Variants in ALK observed in about 807,000 individuals in gnomAD.
ALK encodes ALK tyrosine kinase receptor.
Under a neutral mutation model 163.1 loss-of-function variants are expected in ALK, and 74 were observed. The observed-to-expected ratio is 0.45, with a 90% CI of 0.38 to 0.55. The LOEUF (loss-of-function observed/expected upper bound fraction) is 0.55, where lower values mean the gene tolerates loss of function less well. ALK is among the 20% of genes least tolerant of loss of function. The pLI is 0.00. For synonymous variants in ALK, 960 were observed against 843.2 expected, an observed-to-expected ratio of 1.14 and a Z score of -2.40; for missense variants, 2,063 against 2,105.3, an observed-to-expected ratio of 0.98 and a Z score of 0.39.
At chr2:29,270,962 G>T (rs1198765508) in intron 11 of ALK, among the ~76,000 whole-genome samples, 1 of 152,180 alleles carries the variant, frequency 6.6e-6, no homozygotes, top group African/African-American at 2.4e-5. Context: ...CCCAGCATGG[G>T]ATTTTCTGCA....
At chr2:29,323,103 T>G (rs995063206) in intron 6 of ALK, among the ~76,000 whole-genome samples, 2 of 152,202 alleles carry the variant, frequency 1.3e-5, no homozygotes, top group African/African-American at 4.8e-5. Flanking sequence ...AAAAGTCCCT[T>G]CTTCCTTAGA....
intron 28 of ALK, among the ~76,000 whole-genome samples, chr2:29,195,363 A>G (rs1668997336): frequency 6.6e-6 from 1 of 152,190 alleles, no homozygotes; most frequent in African/African-American, 2.4e-5. Context: ...CGTGAGCTGA[A>G]AGGAATAAGA....
chr2:29,710,499 C>CGTGTGTGTGTGTGTGT (rs55939983), intron 2 of ALK, among the ~76,000 whole-genome samples: 1 of 144,662 alleles, frequency 6.9e-6, no homozygotes, highest in African/African-American at 2.6e-5. Flanking sequence ...AGTCTGTGTG[C>CGTGTGTGTGTGTGTGT]GTGTGTGTGT....
At chr2:29,686,485 C>T (rs200948855) in intron 3 of ALK, among the ~76,000 whole-genome samples, 1 of 152,180 alleles carries the variant, frequency 6.6e-6, no homozygotes, top group East Asian at 1.9e-4. Flanking sequence ...TTGGATATGC[C>T]TAAGCCTTGC....
chr2:29,419,943 G>T lies in ALK; in HGVS notation c.1155-36084C>A, dbSNP rs945419152. Among the ~76,000 whole-genome samples the T allele has an allele frequency of 2.0e-5, 3 of 151,302 alleles. 1 individual carries two copies. Among genetic ancestry groups the T allele is most frequent in the African/African-American group, 2.5e-5 (1 of 40,618 alleles). ...GGAGGCCAAGGTAGGCAAATCACTT[G>T]AGCTAAGGAGTTTGAGACCAGCCTG... On this transcript the variant is annotated intron_variant, in intron 4 of 28. Coordinates refer to ENST00000389048, the MANE Select transcript of ALK (RefSeq NM_004304.5).
chr2:29,292,557 G>A (rs928275823), intron 9 of ALK, among the ~76,000 whole-genome samples: 1 of 152,178 alleles, frequency 6.6e-6, no homozygotes, highest in Non-Finnish European at 1.5e-5. Context: ...AGGAAAAGTA[G>A]CTATGTGAGG....
chr2:29,733,630 A>G (rs1443656561), intron 1 of ALK, among the ~76,000 whole-genome samples: 1 of 152,230 alleles, frequency 6.6e-6, no homozygotes, highest in Non-Finnish European at 1.5e-5. Flanking sequence ...AGCTAGAGTA[A>G]GTGTTCAGTC....
At position 29,886,677 on chromosome 2, in the gene ALK, A is replaced by C. The variant is rs568536735; in HGVS notation, c.667+33316T>G. Among the ~76,000 whole-genome samples, 228 of 152,318 alleles carry C rather than the reference A, an allele frequency of 1.5e-3. 2 individuals carry two copies. Among genetic ancestry groups the C allele is most frequent in the African/African-American group, 5.2e-3 (215 of 41,570 alleles). ...TGAAAGAGACACTCAAGTAAGACAG[A>C]CCTATATTTAACTTCCAGAAGTTCA... On this transcript the variant is annotated intron_variant, in intron 1 of 28. Coordinates refer to ENST00000389048, the MANE Select transcript of ALK (RefSeq NM_004304.5).
intron 3 of ALK, among the ~76,000 whole-genome samples, chr2:29,621,289 T>C (rs1264858447): frequency 6.6e-6 from 1 of 152,212 alleles, no homozygotes; most frequent in Admixed American, 6.5e-5. Flanking sequence ...GCTTTTTTTG[T>C]TGTTGTGGTT....
chr2:29,867,978 G>A (rs1432600967), intron 1 of ALK, among the ~76,000 whole-genome samples: 2 of 152,196 alleles, frequency 1.3e-5, no homozygotes, highest in Non-Finnish European at 2.9e-5. Flanking sequence ...AGAAGACATG[G>A]ACCCTGCATA....
chr2:29,845,434 A>T (rs1161398750), intron 1 of ALK, among the ~76,000 whole-genome samples: 3 of 44,722 alleles, frequency 6.7e-5, no homozygotes, highest in African/African-American at 2.1e-4. Context: ...CTCAACCTTT[A>T]ACGACATTTT....
At chr2:29,297,123 C>T in intron 8 of ALK, 66 bp from the exon 9 acceptor site, 2 of 1,600,386 alleles carry the variant, frequency 1.2e-6, no homozygotes, top group Non-Finnish European at 1.7e-6. Context: ...CTGGAATTCT[C>T]CACTGAAGTT....
In ALK at chr2:29,694,970, G is replaced by A. The variant is rs762417760; in HGVS notation, c.832C>T (p.Pro278Ser). Residue 278 changes from proline to serine, a missense_variant, in exon 3 of 29, where the codon CCT becomes TCT. Transcript: ENST00000389048. ...TGGTTCCTGAGGTCATGCAGTGGAG[G>A]GGAATACTCCAGCTCACAGGGGAAG... is the stretch of plus-strand genomic sequence containing the variant. ...FDFPCELEYSPPLHDLRNQSW... is the reference protein window; with the variant it reads ...FDFPCELEYSSPLHDLRNQSW... 3.1e-6 allele frequency: 5 copies of A among 1,614,060 alleles called. No homozygotes were observed. Among genetic ancestry groups the A allele is most frequent in the South Asian group, 2.2e-5 (2 of 91,078 alleles).
At chr2:29,634,560 TAGATA>T (rs1193926954) in intron 3 of ALK, among the ~76,000 whole-genome samples, 1 of 151,976 alleles carries the variant, frequency 6.6e-6, no homozygotes. Flanking sequence ...GAAAAAGCAA[TAGATA>T]AATTCAACAC....
rs1664026572 is a variant in ALK, at chr2:29,227,131, C to T, written c.2915-57G>A. 2 of 1,612,244 alleles carry T rather than the reference C, an allele frequency of 1.2e-6. No individual in the cohort carries two copies. The highest frequency in any genetic ancestry group is 2.7e-5 in the African/African-American group (2 of 75,012). On this transcript the variant is annotated intron_variant, in intron 17 of 28. Coordinates refer to ENST00000389048, the MANE Select transcript of ALK (RefSeq NM_004304.5). This position sits in a 1 kb window ranked among gnomAD's most constrained non-coding sequence, Gnocchi z 4.4. ...CCGAGCCTGCCTCCCCACTCCCAGCCTCAGTACTATGTCTCCAGGTGGTCA... is the reference window on the plus strand; with the variant it reads ...CCGAGCCTGCCTCCCCACTCCCAGCTTCAGTACTATGTCTCCAGGTGGTCA...
At chr2:29,540,706 T>G (rs35252515) in intron 3 of ALK, among the ~76,000 whole-genome samples, 18,041 of 152,010 alleles carry the variant, frequency 0.12, 1,412 homozygotes, top group Non-Finnish European at 0.18. Context: ...GAATCCTGAC[T>G]TCTTTCTTGG....
rs76396888 is a variant in ALK, at chr2:29,317,512, C to G, written c.1647+792G>C. On this transcript the variant is annotated intron_variant, in intron 8 of 28. Transcript: ENST00000389048. ...TGCCAGGCACCCTGTGGGCTAAATA[C>G]TGCAGTGCTTACTTTGTGCCCAATG... Among the ~76,000 whole-genome samples the G allele has an allele frequency of 8.3e-3, 1,265 of 152,340 alleles. 22 individuals carry two copies. The highest frequency in any genetic ancestry group is 0.028 in the African/African-American group (1,184 of 41,574).
At chr2:29,743,143 T>A (rs191687199) in intron 1 of ALK, among the ~76,000 whole-genome samples, 20 of 152,264 alleles carry the variant, frequency 1.3e-4, no homozygotes, top group African/African-American at 4.6e-4. Flanking sequence ...TATCCATGGG[T>A]AGGAGCGGGG....
chr2:29,609,545 T>C (rs575898118), intron 3 of ALK, among the ~76,000 whole-genome samples: 35 of 152,368 alleles, frequency 2.3e-4, no homozygotes, highest in Non-Finnish European at 2.6e-4. Context: ...TCAAATGGCA[T>C]ATTGTCTCAC....
Sources: gnomAD v4.1 joint callset for allele counts (sites outside exome capture counted in the v4.1 genomes callset) on GRCh38, gnomAD v4.1.1 for gene constraint, Gnocchi (gnomAD v3.1) non-coding constraint, MANE v1.5 for transcripts, NCBI Gene and HGNC (gene_info 2026-07-23, HGNC 2026-07-21) for gene names.